Variants in ATP6V0E2 observed in about 807,000 individuals in gnomAD.
The protein encoded by ATP6V0E2 is ATPase H+ transporting V0 subunit e2, also known as V-type proton ATPase subunit e 2.
Under a neutral mutation model 11.5 loss-of-function variants are expected in ATP6V0E2, and 4 were observed. The observed-to-expected ratio is 0.35, with a 90% CI of 0.17 to 0.80. The LOEUF (loss-of-function observed/expected upper bound fraction) is 0.80. Ranked by LOEUF, ATP6V0E2 falls within the 30% of genes least tolerant of loss-of-function variation. The pLI is 0.53. For missense variants in ATP6V0E2, 93 were observed against 113.5 expected, an observed-to-expected ratio of 0.82 and a Z score of 0.82; for synonymous variants, 52 against 51.0, an observed-to-expected ratio of 1.02 and a Z score of -0.09.
intron 3 of ATP6V0E2, chr7:149,879,038 A>T (rs1041336849): frequency 7.4e-7 from 1 of 1,346,328 alleles, no homozygotes; most frequent in Non-Finnish European, 9.8e-7. Context: ...TCAGGCATCT[A>T]TTTATTTCAT....
chr7:149,873,682 C>T, upstream of ATP6V0E2: 1 of 473,840 alleles, frequency 2.1e-6, no homozygotes, highest in Non-Finnish European at 3.5e-6. Context: ...GCAGGGGACG[C>T]CCCGAAAGAC....
At position 149,874,007 on chromosome 7, in the gene ATP6V0E2, C is replaced by T; in HGVS notation, c.-59C>T. ...AGCGCGCTGCCCGGCTGGGGACCCG[C>T]GCACCTGCAGCGCCCGCTGCTCGGC... On this transcript the variant is annotated 5_prime_UTR_variant, in exon 1 of 4. Transcript: ENST00000425642. 1 of 1,546,354 alleles carries T rather than the reference C, an allele frequency of 6.5e-7. No individual in the cohort carries two copies. Among genetic ancestry groups the T allele is most frequent in the Non-Finnish European group, 8.7e-7 (1 of 1,145,656 alleles).
rs141218227 is a variant in ATP6V0E2, at chr7:149,877,881, G to A, written c.153-797G>A. On this transcript the variant is annotated intron_variant, in intron 2 of 3. Transcript: ENST00000425642. ...AATTATATTTACAAAACATAAACTCGGAGAGAATGCTGATGTAAAGGAGGT... is the reference window on the plus strand; with the variant it reads ...AATTATATTTACAAAACATAAACTCAGAGAGAATGCTGATGTAAAGGAGGT... Among the ~76,000 whole-genome samples the A allele has an allele frequency of 7.7e-3, 1,177 of 152,314 alleles. 14 individuals carry two copies. Among genetic ancestry groups the A allele is most frequent in the African/African-American group, 0.027 (1,119 of 41,566 alleles).
intron 1 of ATP6V0E2, chr7:149,874,781 C>T (rs1803037925): frequency 6.5e-6 from 1 of 153,424 alleles, no homozygotes; most frequent in African/African-American, 2.4e-5. Context: ...CCATTGTCTA[C>T]TCAGTGCCCA....
chr7:149,873,767 G>T, upstream of ATP6V0E2: 1 of 1,076,996 alleles, frequency 9.3e-7, no homozygotes, highest in Non-Finnish European at 1.3e-6. Context: ...TGCGGGCGCG[G>T]GGCTGACGCG....
At chr7:149,878,593 A>C (rs1803277051) in intron 2 of ATP6V0E2, 85 bp from the exon 3 acceptor site, 5 of 1,260,530 alleles carry the variant, frequency 4.0e-6, no homozygotes, top group Non-Finnish European at 5.5e-6. Flanking sequence ...GGTTGGCCGC[A>C]TCCAAAATAA....
rs1214777887 is a variant in ATP6V0E2, at chr7:149,878,691, A to G, written c.166A>G (p.Ile56Val). 2.5e-6 allele frequency: 4 copies of G among 1,612,054 alleles called. No individual in the cohort carries two copies. The highest frequency in any genetic ancestry group is 1.1e-5 in the South Asian group (1 of 91,058). Residue 56 changes from isoleucine (I) to valine (V), a missense_variant, in exon 3 of 4, where the codon ATC (isoleucine) becomes GTC (valine). Ile to Val is a conservative substitution (Grantham distance 29). Transcript: ENST00000425642. ...TGTCCCTGGCAGCTGGCTCATCGCC[A>G]TCCTGGCGCAGCTGAACCCCCTGTT... ...VCCYLFWLIA[I>V]LAQLNPLFGP...
intron 2 of ATP6V0E2, among the ~76,000 whole-genome samples, chr7:149,878,464 C>T (rs1326410905): frequency 2.0e-5 from 3 of 152,196 alleles, no homozygotes; most frequent in Non-Finnish European, 1.5e-5. Context: ...ATCTACCGAA[C>T]ATCAAATGAA....
upstream of ATP6V0E2, chr7:149,873,706 C>A: frequency 1.7e-6 from 1 of 599,218 alleles, no homozygotes; most frequent in Non-Finnish European, 2.6e-6. Flanking sequence ...TGGGGTGGGA[C>A]CCCAAGCTCC....
chr7:149,876,317 G>A (rs919287780), intron 2 of ATP6V0E2, among the ~76,000 whole-genome samples: 6 of 152,118 alleles, frequency 3.9e-5, no homozygotes, highest in South Asian at 2.1e-4. Context: ...CGGAGGTTGC[G>A]GTGAGCCAAG....
Position 149,875,610 on chromosome 7 carries a change from C to A in ATP6V0E2, c.117C>A (p.Thr39=). ...TCTTCTGCTGCAGAGTGATCATCAC[C>A]ATGCTGGTCGCCACCGCCGTCTGCT... ...PKGPNRGVII[T]MLVATAVCCY... Residue 39 remains threonine (T), a synonymous_variant, in exon 2 of 4, where the codon ACC becomes ACA. Transcript: ENST00000425642. 6.2e-7 allele frequency: 1 copy of A among 1,613,896 alleles called. No homozygotes were observed. Among genetic ancestry groups the A allele is most frequent in the Non-Finnish European group, 8.5e-7 (1 of 1,179,874 alleles).
In ATP6V0E2 at chr7:149,879,144, C is replaced by G. The variant is rs971831160; in HGVS notation, c.*20-191C>G. On this transcript the variant is annotated intron_variant, in intron 3 of 3. Transcript: ENST00000425642. Reference sequence around the variant, plus strand: ...TGAAATGGGAACCATGCTCCCAGCACCCCCCTCCCCCATCCTCACAGCGCT... The same window carrying G: ...TGAAATGGGAACCATGCTCCCAGCAGCCCCCTCCCCCATCCTCACAGCGCT... 3 of 1,396,810 alleles carry G rather than the reference C, an allele frequency of 2.1e-6. No individual in the cohort carries two copies. In the East Asian group the frequency reaches 8.2e-5, roughly 38 times the overall value. The allele number at this position is 1,396,810 out of a possible 1,614,324, so 86.5% of individuals were successfully genotyped here. A position where few individuals can be genotyped will look rare whatever the true frequency, so the allele number is the denominator to read the frequency against.
At chr7:149,874,532 G>A (rs1221510715) in intron 1 of ATP6V0E2, 2 of 223,032 alleles carry the variant, frequency 9.0e-6, no homozygotes, top group East Asian at 2.3e-4. Context: ...GTAAAATGGA[G>A]ATAATGTCGA....
At chr7:149,878,877 T>TGAAAAGAAAAGGTAG in intron 3 of ATP6V0E2, 87 bp downstream of exon 3, 1 of 594,152 alleles carries the variant, frequency 1.7e-6, no homozygotes, top group Non-Finnish European at 2.5e-6. Flanking sequence ...CATATTATTT[T>TGAAAAGAAAAGGTAG]GGATGCGGCC....
In ATP6V0E2 at chr7:149,874,016, A is replaced by T; in HGVS notation, c.-50A>T. The T allele has an allele frequency of 6.5e-7, 1 of 1,547,372 alleles. No homozygotes were observed. The highest frequency in any genetic ancestry group is 8.7e-7 in the Non-Finnish European group (1 of 1,145,932). ...CCCGGCTGGGGACCCGCGCACCTGC[A>T]GCGCCCGCTGCTCGGCCCTGCATCC... On this transcript the variant is annotated 5_prime_UTR_variant, in exon 1 of 4. Coordinates refer to ENST00000425642, the MANE Select transcript of ATP6V0E2 (RefSeq NM_145230.4).
At position 149,878,780 on chromosome 7, in the gene ATP6V0E2, C is replaced by T. The variant is rs754243199; in HGVS notation, c.*9C>T. 1.9e-6 allele frequency: 3 copies of T among 1,612,716 alleles called. No homozygotes were observed. ...GCTTCCTGTGGGAGTGACCCGCCGCCCCCGACCCAGGTACTGTGTGGGCGA... is the reference window on the plus strand; with the variant it reads ...GCTTCCTGTGGGAGTGACCCGCCGCTCCCGACCCAGGTACTGTGTGGGCGA... On this transcript the variant is annotated 3_prime_UTR_variant, in exon 3 of 4. Coordinates refer to ENST00000425642, the MANE Select transcript of ATP6V0E2 (RefSeq NM_145230.4).
At chr7:149,873,725 T>G, upstream of ATP6V0E2, 2 of 723,118 alleles carry the variant, frequency 2.8e-6, no homozygotes, top group Non-Finnish European at 4.2e-6. Context: ...CCAGGGGTCT[T>G]TGGAAATAAG....
Position 149,879,842 on chromosome 7 carries a change from G to A in ATP6V0E2, c.*527G>A. On this transcript the variant is annotated 3_prime_UTR_variant, in exon 4 of 4. Transcript: ENST00000425642. ...AATTGTTAATTTTCTGACACGTCTA[G>A]ATGTGAAATTTCTGAAAATGTTGAA... 1 of 465,476 alleles carries A rather than the reference G, an allele frequency of 2.1e-6. No homozygotes were observed. The highest frequency in any genetic ancestry group is 3.5e-6 in the Non-Finnish European group (1 of 283,014). 28.8% of individuals were successfully genotyped at this position (465,476 alleles called of 1,614,324 possible).
At position 149,879,552 on chromosome 7, in the gene ATP6V0E2, C is replaced by T. The variant is rs765834975; in HGVS notation, c.*237C>T. 50 of 1,553,254 alleles carry T rather than the reference C, an allele frequency of 3.2e-5. No individual in the cohort carries two copies. The highest frequency in any genetic ancestry group is 4.3e-5 in the Non-Finnish European group (49 of 1,150,234). On this transcript the variant is annotated 3_prime_UTR_variant, in exon 4 of 4. Coordinates refer to ENST00000425642, the MANE Select transcript of ATP6V0E2 (RefSeq NM_145230.4). ...GCACAGCAGCGGCCGAGGGGATGTCCTGCTCCAATACCCGCACTGCTCTGG... is the reference window on the plus strand; with the variant it reads ...GCACAGCAGCGGCCGAGGGGATGTCTTGCTCCAATACCCGCACTGCTCTGG...
Sources: allele counts gnomAD v4.1 joint callset (sites outside exome capture counted in the v4.1 genomes callset), GRCh38; gene constraint gnomAD v4.1.1; transcripts MANE v1.5; gene names NCBI Gene and HGNC (gene_info 2026-07-23, HGNC 2026-07-21).